Variants in PLA1A observed in about 807,000 individuals in gnomAD.
PLA1A encodes the protein phosphatidylserine-specific phospholipase A1alpha.
In PLA1A, 47 loss-of-function variants were observed where a neutral mutation model predicts 49.4. The observed-to-expected ratio is 0.95, with a 90% confidence interval of 0.75 to 1.21. The LOEUF is 1.21. Ranked by LOEUF, PLA1A falls within the 50% of genes most tolerant of loss-of-function variation. The pLI is 0.00. For synonymous variants in PLA1A, 224 were observed against 207.9 expected (o/e 1.08, Z -0.67); for missense variants, 561 against 563.9 (o/e 0.99, Z 0.05).
At chr3:119,606,280 T>A (rs1342912456) in intron 1 of PLA1A, among the ~76,000 whole-genome samples, 2 of 152,230 alleles carry the variant, frequency 1.3e-5, no homozygotes, top group East Asian at 3.8e-4. Flanking sequence ...GGCTTGTAGA[T>A]GGCCACTGTC....
chr3:119,608,296 G>GA (rs1324074991), intron 2 of PLA1A, among the ~76,000 whole-genome samples: 2 of 145,162 alleles, frequency 1.4e-5, no homozygotes, highest in Non-Finnish European at 1.5e-5. Context: ...AAGAAAGAAA[G>GA]AAAAAGAAAA....
At chr3:119,612,608 C>T (rs2082783257) in intron 4 of PLA1A, among the ~76,000 whole-genome samples, 1 of 152,054 alleles carries the variant, frequency 6.6e-6, no homozygotes, top group Non-Finnish European at 1.5e-5. Context: ...TCTGCCTCAG[C>T]CTCCCGAGTC....
intron 6 of PLA1A, among the ~76,000 whole-genome samples, chr3:119,617,679 G>A (rs906795591): frequency 6.6e-6 from 1 of 151,596 alleles, no homozygotes; most frequent in African/African-American, 2.4e-5. Flanking sequence ...GGAGGCAGAG[G>A]TTGCAGTGGC....
rs542012007 is a variant in PLA1A at position 119,600,456 on chromosome 3, A to G, written c.73+2470A>G. 12 of 701,774 alleles carry G rather than the reference A, an allele frequency of 1.7e-5. No individual in the cohort carries two copies. In the East Asian group the frequency reaches 3.0e-4, roughly 17 times the overall value. 43.5% of individuals were successfully genotyped at this position (701,774 alleles called of 1,614,324 possible). On this transcript the variant is annotated intron_variant, in intron 1 of 10. Transcript: ENST00000273371. ...CAGTACCTATGTTTCCTGGTCACAG[A>G]TCTTACATCCCTATTTGCTGTGGGG... is the stretch of plus-strand genomic sequence containing the variant.
intron 1 of PLA1A, among the ~76,000 whole-genome samples, chr3:119,604,059 C>T (rs184914997): frequency 2.1e-4 from 32 of 152,278 alleles, no homozygotes; most frequent in African/African-American, 5.8e-4. Flanking sequence ...GTTTTATTGT[C>T]GTTTAGTTTT....
chr3:119,606,566 G>A (rs1407264132), intron 1 of PLA1A, among the ~76,000 whole-genome samples: 1 of 152,056 alleles, frequency 6.6e-6, no homozygotes, highest in Non-Finnish European at 1.5e-5. Context: ...CTGCTATTTT[G>A]TCCTTAGGCA....
In PLA1A at chr3:119,615,991, T is replaced by C. The variant is rs141284621; in HGVS notation, c.665-21T>C. On this transcript the variant is annotated intron_variant, in intron 5 of 10. Transcript: ENST00000273371. ...CGACCCCCTGAAGTAAGGAAGTTAA[T>C]GGAGTTGTGCCTCCTTTCAGATTTG... The C allele has an allele frequency of 1.5e-4, 236 of 1,535,132 alleles. No homozygotes were observed. In the East Asian group the frequency reaches 5.1e-3, roughly 33 times the overall value.
At chr3:119,605,057 G>T (rs558365172) in intron 1 of PLA1A, among the ~76,000 whole-genome samples, 1 of 152,316 alleles carries the variant, frequency 6.6e-6, no homozygotes, top group South Asian at 2.1e-4. Flanking sequence ...AGAGCAGAGT[G>T]ACTCATTAAT....
chr3:119,615,649 T>TA (rs892892499), intron 5 of PLA1A, among the ~76,000 whole-genome samples: 15 of 151,628 alleles, frequency 9.9e-5, no homozygotes, highest in Admixed American at 3.3e-4. Context: ...CTGTCTCTAC[T>TA]AAAAAAACAC....
chr3:119,599,184 C>T (rs182092436), intron 1 of PLA1A, among the ~76,000 whole-genome samples: 36 of 152,312 alleles, frequency 2.4e-4, no homozygotes, highest in Admixed American at 1.1e-3. Context: ...AAGTGGCTTT[C>T]TTTACCTGTA....
chr3:119,624,446 C>T (rs917676067), intron 8 of PLA1A, among the ~76,000 whole-genome samples: 3 of 152,078 alleles, frequency 2.0e-5, no homozygotes, highest in African/African-American at 7.2e-5. Context: ...AAAAGATAGC[C>T]GTATATGATA....
chr3:119,629,694 T>C lies in PLA1A; in HGVS notation c.*226T>C, dbSNP rs1463696863. 6.0e-6 allele frequency: 3 copies of C among 503,398 alleles called. No individual in the cohort carries two copies. Among genetic ancestry groups the C allele is most frequent in the Admixed American group, 3.4e-5 (1 of 29,474 alleles). 31.2% of individuals were successfully genotyped at this position (503,398 alleles called of 1,614,324 possible). A position where few individuals can be genotyped will look rare whatever the true frequency, so the allele number is the denominator to read the frequency against. ...CTTATGTACATACCCATTTTAGCTT[T>C]CCCATGCATACTTAACTGCACTTGC... On this transcript the variant is annotated 3_prime_UTR_variant, in exon 11 of 11. Transcript: ENST00000273371.
intron 1 of PLA1A, chr3:119,600,533 A>G (rs1426322852): frequency 1.6e-6 from 1 of 630,008 alleles, no homozygotes; most frequent in Non-Finnish European, 2.9e-6. Context: ...AAGGGCAGTT[A>G]TGGCTGGCGT....
rs144255972 is a variant in PLA1A at position 119,623,552 on chromosome 3, G to C, written c.1013-1572G>C. ...TATGTTGGCGACACTCACTTTGAGA[G>C]CTCCAGTGTCCATGCTGCTCAAGGG... On this transcript the variant is annotated intron_variant, in intron 8 of 10. Coordinates refer to ENST00000273371, the MANE Select transcript of PLA1A (RefSeq NM_015900.4). 6.6e-3 allele frequency among the ~76,000 whole-genome samples: 1,004 copies of C among 152,214 alleles called. 12 individuals carry two copies. Among genetic ancestry groups the C allele is most frequent in the African/African-American group, 0.023 (959 of 41,518 alleles).
intron 8 of PLA1A, among the ~76,000 whole-genome samples, chr3:119,622,995 T>A (rs1466618427): frequency 6.6e-6 from 1 of 151,870 alleles, no homozygotes; most frequent in African/African-American, 2.4e-5. Flanking sequence ...CCCTGCTAAT[T>A]TTTTTGTATT....
intron 8 of PLA1A, among the ~76,000 whole-genome samples, 164 bp downstream of exon 8, chr3:119,619,816 C>A (rs949498225): frequency 6.6e-6 from 1 of 152,180 alleles, no homozygotes; most frequent in African/African-American, 2.4e-5. Context: ...TGAGTCCAAC[C>A]GATTGCTCTT....
chr3:119,604,148 GT>G (rs2082653092), intron 1 of PLA1A, among the ~76,000 whole-genome samples: 1 of 152,188 alleles, frequency 6.6e-6, no homozygotes, highest in Non-Finnish European at 1.5e-5. Context: ...TTTTCTGTTG[GT>G]AGGAGTGTAA....
chr3:119,612,688 C>T (rs1293715258), intron 4 of PLA1A, among the ~76,000 whole-genome samples: 1 of 152,166 alleles, frequency 6.6e-6, no homozygotes, highest in African/African-American at 2.4e-5. Context: ...CGGGGTTGCA[C>T]CATGTTAGCC....
In PLA1A at chr3:119,608,222, GAAAGAGAGAGAAAGAA is replaced by G. The variant is rs1334639259; in HGVS notation, c.276-546_276-531del. Among the ~76,000 whole-genome samples the G allele has an allele frequency of 3.1e-4, 41 of 130,808 alleles. No homozygotes were observed. In the South Asian group the frequency reaches 6.3e-3, roughly 20 times the overall value. The allele number at this position is 130,808 out of a possible 152,430, so 85.8% of individuals were successfully genotyped here. On this transcript the variant is annotated intron_variant, in intron 2 of 10. Coordinates refer to ENST00000273371, the MANE Select transcript of PLA1A (RefSeq NM_015900.4). ...GAAAGAAAAGAAAGAAAGAAAGAAA[GAAAGAGAGAGAAAGAA>G]AGAGAGAAAGAAAGAAAGAAAGAAA...
Sources: gnomAD v4.1 joint callset for allele counts (sites outside exome capture counted in the v4.1 genomes callset) on GRCh38, gnomAD v4.1.1 for gene constraint, MANE v1.5 for transcripts, NCBI Gene and HGNC (gene_info 2026-07-23, HGNC 2026-07-21) for gene names.